The following ARHGEF17 variants were observed in gnomAD, a reference collection of about 807,000 sequenced individuals.
ARHGEF17 encodes 164 kDa Rho-specific guanine-nucleotide exchange factor.
Under a neutral mutation model 174.0 loss-of-function variants are expected in ARHGEF17, and 80 were observed. The ratio of observed to expected loss-of-function variants is 0.46; its 90% CI spans 0.38 to 0.55. ARHGEF17 has a LOEUF of 0.55. Among genes scored for constraint, ARHGEF17 ranks in the 20% least tolerant of loss-of-function variants. ARHGEF17 has a pLI of 0.00. For missense variants in ARHGEF17, 2,886 were observed against 2,839.7 expected, an observed-to-expected ratio of 1.02 and a Z score of -0.37; for synonymous variants, 1,311 against 1,189.1, an observed-to-expected ratio of 1.10 and a Z score of -2.11.
intron 1 of ARHGEF17, 139 bp from the exon 2 acceptor site, chr11:73,346,744 G>A (rs376568552): frequency 4.0e-4 from 246 of 611,828 alleles, no homozygotes; most frequent in African/African-American, 3.7e-3. Context: ...GGAACAGCCC[G>A]GAGCCCTGGG....
rs1280668786 is a variant in ARHGEF17, at chr11:73,355,866, C to T, written c.3576C>T (p.Ser1192=). ...TGCCCATCCATGGGTTTCAGCAAAG[C>T]ATGCGTGAGAACAAGGAGAAGCAGG... The part of the protein sequence containing the change: ...RPAFLKFLEQ[S]MRENKEKQAL... The change falls in exon 5 of 21, where the codon AGC becomes AGT. Residue 1192 remains serine, a synonymous_variant. Transcript: ENST00000263674. 1 of 1,614,092 alleles carries T rather than the reference C, an allele frequency of 6.2e-7. No homozygotes were observed. Among genetic ancestry groups the T allele is most frequent in the Non-Finnish European group, 8.5e-7 (1 of 1,180,046 alleles).
chr11:73,358,902 C>T (rs889838037), intron 9 of ARHGEF17, among the ~76,000 whole-genome samples: 2 of 152,196 alleles, frequency 1.3e-5, no homozygotes, highest in East Asian at 1.9e-4. Context: ...ACCGGGCACA[C>T]ACTCTTCTTC....
rs533592306 is a variant in ARHGEF17, at chr11:73,325,363, G to T, written c.3192+13533G>T. Among the ~76,000 whole-genome samples the T allele has an allele frequency of 4.6e-5, 7 of 152,260 alleles. No individual in the cohort carries two copies. The East Asian group carries it at 1.2e-3, about 25-fold the overall frequency. On this transcript the variant is annotated intron_variant, in intron 1 of 20. Transcript: ENST00000263674. Reference sequence around the variant, plus strand: ...CTGTGGGTGCTGGGGAAGAAATTTCGTTCCAGGGCTGGGCCCTGTGCTTGG... The same window carrying T: ...CTGTGGGTGCTGGGGAAGAAATTTCTTTCCAGGGCTGGGCCCTGTGCTTGG...
chr11:73,345,203 C>T (rs1041349957), intron 1 of ARHGEF17, among the ~76,000 whole-genome samples: 10 of 152,162 alleles, frequency 6.6e-5, no homozygotes, highest in Middle Eastern at 3.4e-3. Context: ...ACAAGAGTAC[C>T]GAGGATAGAT....
chr11:73,367,806 G>A lies in ARHGEF17; in HGVS notation c.*26G>A, dbSNP rs369132707. 35 of 1,585,334 alleles carry A rather than the reference G, an allele frequency of 2.2e-5. No individual in the cohort carries two copies. Among genetic ancestry groups the A allele is most frequent in the Admixed American group, 5.1e-5 (3 of 58,974 alleles). ...CCCTGTCTGCCGTGGCCCAGGACTC[G>A]CCCGCCCACCTGCCTTCAGCCTGCT... On this transcript the variant is annotated 3_prime_UTR_variant, in exon 21 of 21. Transcript: ENST00000263674.
rs1368546904 is a variant in ARHGEF17 at position 73,308,972 on chromosome 11, G to A, written c.334G>A (p.Glu112Lys). 2 of 1,364,466 alleles carry A rather than the reference G, an allele frequency of 1.5e-6. No homozygotes were observed. The highest frequency in any genetic ancestry group is 3.1e-5 in the East Asian group (1 of 32,074). 84.5% of individuals were successfully genotyped at this position (1,364,466 alleles called of 1,614,324 possible). A position where few individuals can be genotyped will look rare whatever the true frequency, so the allele number is the denominator to read the frequency against. ...RDGGVLPAAA[E>K]EAAEGPARGA... ...CGGAGGCGTCTTACCCGCGGCCGCG[G>A]AAGAAGCGGCCGAGGGCCCAGCGCG... The change falls in exon 1 of 21, where the codon GAA (glutamate) becomes AAA (lysine). Residue 112 changes from glutamate (E) to lysine (K), a missense_variant. Physicochemically the swap from Glu to Lys is moderately conservative, Grantham distance 56. Around this residue, in one of 4 missense-constraint regions of ARHGEF17, gnomAD observed 1,728 missense variants for 1,461.2 expected, o/e 1.18. Coordinates refer to ENST00000263674, the MANE Select transcript of ARHGEF17 (RefSeq NM_014786.4).
At chr11:73,329,940 T>C (rs1865179249) in intron 1 of ARHGEF17, among the ~76,000 whole-genome samples, 1 of 152,174 alleles carries the variant, frequency 6.6e-6, no homozygotes, top group African/African-American at 2.4e-5. Flanking sequence ...TTCCCCACAA[T>C]CTCACCAACT....
intron 1 of ARHGEF17, among the ~76,000 whole-genome samples, chr11:73,329,361 A>ATT (rs1865161787): frequency 4.2e-4 from 1 of 2,378 alleles, no homozygotes; most frequent in African/African-American, 1.4e-3. Flanking sequence ...ATATATATAT[A>ATT]TATATATATA....
In ARHGEF17 at chr11:73,310,219, A is replaced by G; in HGVS notation, c.1581A>G (p.Ser527=). The G allele has an allele frequency of 6.2e-7, 1 of 1,613,870 alleles. No homozygotes were observed. Among genetic ancestry groups the G allele is most frequent in the South Asian group, 1.1e-5 (1 of 91,074 alleles). The part of the protein sequence containing the change: ...LEPIPIPAPA[S]PGTRPTLKDL... ...CCATACCCATCCCAGCCCCAGCATCACCTGGCACGCGCCCCACACTCAAGG... is the reference window on the plus strand; with the variant it reads ...CCATACCCATCCCAGCCCCAGCATCGCCTGGCACGCGCCCCACACTCAAGG... Residue 527 remains serine (S), a synonymous_variant, in exon 1 of 21, where the codon TCA becomes TCG. Coordinates refer to ENST00000263674, the MANE Select transcript of ARHGEF17 (RefSeq NM_014786.4).
chr11:73,314,004 T>A (rs559757178), intron 1 of ARHGEF17, among the ~76,000 whole-genome samples: 1 of 152,208 alleles, frequency 6.6e-6, no homozygotes, highest in East Asian at 1.9e-4. Context: ...CAGTATAACC[T>A]GGTGGACTGC....
chr11:73,357,513 T>G (rs553488144), intron 9 of ARHGEF17, among the ~76,000 whole-genome samples, 186 bp downstream of exon 9: 2 of 152,344 alleles, frequency 1.3e-5, no homozygotes, highest in East Asian at 3.9e-4. Context: ...CCAGACAGTC[T>G]GTCCATGTAC....
At chr11:73,337,935 T>C (rs1216534643) in intron 1 of ARHGEF17, among the ~76,000 whole-genome samples, 1 of 152,198 alleles carries the variant, frequency 6.6e-6, no homozygotes, top group Non-Finnish European at 1.5e-5. Context: ...AGCAGGGCAC[T>C]GTCCCCATAG....
chr11:73,321,739 C>G (rs1865020885), intron 1 of ARHGEF17, among the ~76,000 whole-genome samples: 1 of 152,152 alleles, frequency 6.6e-6, no homozygotes, highest in African/African-American at 2.4e-5. Flanking sequence ...TCCAAGAGTC[C>G]AGACCTCTTT....
intron 4 of ARHGEF17, 62 bp from the exon 5 acceptor site, chr11:73,355,799 G>C: frequency 1.2e-6 from 2 of 1,605,348 alleles, no homozygotes; most frequent in Non-Finnish European, 8.5e-7. Context: ...CTGGGGACCT[G>C]TCCCTGGACA....
chr11:73,354,437 C>T (rs1865602759), intron 3 of ARHGEF17, among the ~76,000 whole-genome samples: 3 of 152,058 alleles, frequency 2.0e-5, no homozygotes, highest in East Asian at 1.9e-4. Flanking sequence ...GGACTCTGGC[C>T]GGGCGCAGTG....
intron 20 of ARHGEF17, among the ~76,000 whole-genome samples, 184 bp downstream of exon 20, chr11:73,366,131 G>A (rs1400848111): frequency 6.6e-6 from 1 of 152,122 alleles, no homozygotes; most frequent in Non-Finnish European, 1.5e-5. Flanking sequence ...GTGTGTGTGT[G>A]TGTGTGTGTG....
At chr11:73,329,973 A>T (rs571197547) in intron 1 of ARHGEF17, among the ~76,000 whole-genome samples, 1 of 152,220 alleles carries the variant, frequency 6.6e-6, no homozygotes, top group Non-Finnish European at 1.5e-5. Flanking sequence ...TATCTTCCCA[A>T]TCTGATAGGT....
In ARHGEF17 at chr11:73,365,892, G is replaced by T. The variant is rs774969674; in HGVS notation, c.5940G>T (p.Gln1980His). The T allele has an allele frequency of 1.9e-5, 31 of 1,609,384 alleles. No individual in the cohort carries two copies. Among genetic ancestry groups the T allele is most frequent in the Middle Eastern group, 1.6e-4 (1 of 6,078 alleles). ...ACGTCCGCTTCTTGGCTGCAGTCCAGCTGCCAGATGGCTTCAACCTGCTCT... is the reference window on the plus strand; with the variant it reads ...ACGTCCGCTTCTTGGCTGCAGTCCATCTGCCAGATGGCTTCAACCTGCTCT... ...TGHVRFLAAV[Q>H]LPDGFNLLCP... The change falls in exon 20 of 21, where the codon CAG (glutamine) becomes CAT (histidine). Residue 1980 changes from glutamine (Q) to histidine (H), a missense_variant. Physicochemically the swap from Gln to His is conservative, Grantham distance 24 (BLOSUM62 0). Around this residue, in one of 4 missense-constraint regions of ARHGEF17, gnomAD observed 329 missense variants for 435.2 expected, o/e 0.76. Coordinates refer to ENST00000263674, the MANE Select transcript of ARHGEF17 (RefSeq NM_014786.4). This position sits in a 1 kb window ranked among gnomAD's most constrained non-coding sequence, Gnocchi z 4.9.
intron 1 of ARHGEF17, among the ~76,000 whole-genome samples, chr11:73,339,219 T>TAC (rs1865331376): frequency 6.6e-6 from 1 of 152,184 alleles, no homozygotes; most frequent in African/African-American, 2.4e-5. Flanking sequence ...CAGACCTCTT[T>TAC]CCTTACCTTT....
Sources: gnomAD v4.1 joint callset for allele counts (sites outside exome capture counted in the v4.1 genomes callset) on GRCh38, gnomAD v4.1.1 for gene constraint, gnomAD v4.1.1 regional missense constraint, Gnocchi (gnomAD v3.1) non-coding constraint, MANE v1.5 for transcripts, NCBI Gene and HGNC (gene_info 2026-07-23, HGNC 2026-07-21) for gene names.